CLEC16A: variants seen among roughly 807,000 people sequenced by gnomAD.
CLEC16A encodes the protein C-type lectin domain containing 16A.
A neutral mutation model predicts 109.5 loss-of-function variants in CLEC16A; 51 were observed. The ratio of observed to expected loss-of-function variants is 0.47; its 90% confidence interval spans 0.37 to 0.59. The LOEUF (loss-of-function observed/expected upper bound fraction) is 0.59. Ranked by LOEUF, CLEC16A falls within the 20% of genes least tolerant of loss-of-function variation. The pLI is 0.00. For missense variants in CLEC16A, 1,339 were observed against 1,394.0 expected (o/e 0.96, Z 0.63); for synonymous variants, 673 against 564.2 (o/e 1.19, Z -2.73).
chr16:10,979,479 C>G (rs1055581912), intron 9 of CLEC16A, 97 bp downstream of exon 9: 1 of 1,051,526 alleles, frequency 9.5e-7, no homozygotes, highest in Non-Finnish European at 1.4e-6. Context: ...ACCCCATCTT[C>G]TCTGTCCCCC....
At chr16:11,139,653 C>G (rs1053374554) in intron 22 of CLEC16A, among the ~76,000 whole-genome samples, 3 of 152,320 alleles carry the variant, frequency 2.0e-5, no homozygotes, top group Non-Finnish European at 2.9e-5. Flanking sequence ...GCTGTGAGCT[C>G]AGTCCTTGAA....
chr16:11,042,905 TTA>T (rs930158794), intron 15 of CLEC16A, among the ~76,000 whole-genome samples: 9 of 149,584 alleles, frequency 6.0e-5, no homozygotes, highest in Non-Finnish European at 3.0e-5. Context: ...AAGCAAATAA[TTA>T]TATATATAAA....
intron 22 of CLEC16A, among the ~76,000 whole-genome samples, chr16:11,163,197 C>T (rs935243425): frequency 6.6e-6 from 1 of 152,238 alleles, no homozygotes; most frequent in Non-Finnish European, 1.5e-5. Flanking sequence ...CATAGACATT[C>T]ACCCTGAATT....
intron 13 of CLEC16A, among the ~76,000 whole-genome samples, chr16:11,034,899 G>A (rs1484426486): frequency 6.6e-6 from 1 of 151,868 alleles, no homozygotes; most frequent in African/African-American, 2.4e-5. Context: ...ATGCATGCGT[G>A]TGTGAATGAG....
intron 19 of CLEC16A, among the ~76,000 whole-genome samples, chr16:11,083,171 G>GT (rs869136055): frequency 4.0e-5 from 6 of 151,332 alleles, no homozygotes; most frequent in South Asian, 4.2e-4. Flanking sequence ...TTGTTTGTTT[G>GT]TTGTTGTTTG....
rs550022722 is a variant in CLEC16A, at chr16:11,003,054, C to A, written c.1072-20C>A. 19 of 1,584,026 alleles carry A rather than the reference C, an allele frequency of 1.2e-5. No individual in the cohort carries two copies. The highest frequency in any genetic ancestry group is 1.6e-5 in the Non-Finnish European group (19 of 1,165,040). On this transcript the variant is annotated intron_variant, in intron 10 of 23. Coordinates refer to ENST00000409790, the MANE Select transcript of CLEC16A (RefSeq NM_015226.3). ...TTCTAGTGTTCAAATTCACCTGTTGCCTTCGTTGGACTTTCCTAGGCCAAG... is the reference window on the plus strand; with the variant it reads ...TTCTAGTGTTCAAATTCACCTGTTGACTTCGTTGGACTTTCCTAGGCCAAG...
rs560030205 is a variant in CLEC16A, at chr16:11,028,345, T to G, written c.1537+3424T>G. ...CATGGAGGAAGGAGTCCTGCTTTGT[T>G]GCATCTATCCTAGGGTTTAATGTTG... On this transcript the variant is annotated intron_variant, in intron 13 of 23. Coordinates refer to ENST00000409790, the MANE Select transcript of CLEC16A (RefSeq NM_015226.3). Among the ~76,000 whole-genome samples the G allele has an allele frequency of 2.6e-5, 4 of 152,282 alleles. No individual in the cohort carries two copies. The South Asian group carries it at 8.3e-4, about 32-fold the overall frequency.
At chr16:10,969,371 T>A in intron 4 of CLEC16A, 62 bp downstream of exon 4, 1 of 1,274,568 alleles carries the variant, frequency 7.8e-7, no homozygotes, top group Non-Finnish European at 1.1e-6. Flanking sequence ...TTTTTTTTTT[T>A]TTTACGGCAG....
At chr16:11,147,202 G>C (rs7186336) in intron 22 of CLEC16A, among the ~76,000 whole-genome samples, 25,809 of 152,168 alleles carry the variant, frequency 0.17, 2,264 homozygotes, top group Middle Eastern at 0.23. Flanking sequence ...AGTTTGGCTA[G>C]GCACAGAATT....
chr16:11,139,307 C>T (rs1312936941), intron 22 of CLEC16A, among the ~76,000 whole-genome samples: 1 of 152,178 alleles, frequency 6.6e-6, no homozygotes. Flanking sequence ...CCTCCTGGCA[C>T]CTCTGCTGAG....
chr16:11,041,559 G>A (rs2047337072), intron 14 of CLEC16A: 1 of 152,240 alleles, frequency 6.6e-6, no homozygotes, highest in African/African-American at 2.4e-5. Flanking sequence ...CTCTACGGGA[G>A]ACACTTAGAT....
At chr16:11,060,223 A>T (rs952816485) in intron 18 of CLEC16A, among the ~76,000 whole-genome samples, 2 of 152,184 alleles carry the variant, frequency 1.3e-5, no homozygotes, top group Admixed American at 6.5e-5. Context: ...CCTGAGGGGC[A>T]TTCAGGGAAC....
At chr16:10,971,472 C>T in intron 5 of CLEC16A, 1 of 821,312 alleles carries the variant, frequency 1.2e-6, no homozygotes, top group Non-Finnish European at 1.5e-6. Flanking sequence ...GTAGGATGTC[C>T]TGAGAGGCAC....
In CLEC16A at chr16:11,123,187, C is replaced by T. The variant is rs564467506; in HGVS notation, c.2269-555C>T. Among the ~76,000 whole-genome samples the T allele has an allele frequency of 2.6e-5, 4 of 152,262 alleles. 1 individual carries two copies. In the South Asian group the frequency reaches 8.3e-4, roughly 32 times the overall value. ...AAAGTGCTGGAATTATAGGCGTGAG[C>T]CACCGTGCCCAGCCCCTGTCCCTTT... is the stretch of plus-strand genomic sequence containing the variant. On this transcript the variant is annotated intron_variant, in intron 20 of 23. Coordinates refer to ENST00000409790, the MANE Select transcript of CLEC16A (RefSeq NM_015226.3).
At chr16:11,171,258 TCACC>T (rs2068500359) in intron 23 of CLEC16A, among the ~76,000 whole-genome samples, 1 of 152,130 alleles carries the variant, frequency 6.6e-6, no homozygotes, top group Admixed American at 6.5e-5. Flanking sequence ...GACTCCCTGG[TCACC>T]CAGAGGCTCC....
rs72650689 is a variant in CLEC16A, at chr16:11,178,473, G to T, written c.2945G>T (p.Ser982Ile). The change falls in exon 24 of 24, where the codon AGC becomes ATC. Residue 982 changes from serine to isoleucine, a missense_variant. By Grantham distance (142) the Ser-to-Ile change is moderately radical. Coordinates refer to ENST00000409790, the MANE Select transcript of CLEC16A (RefSeq NM_015226.3). This position sits in a 1 kb window ranked among gnomAD's most constrained non-coding sequence, Gnocchi z 6.5. Reference sequence around the variant, plus strand: ...GTGGAGACAGCCAGCCTGTCCCCCAGCCTCGTCCCTGCCCGGCAGCCCACC... The same window carrying T: ...GTGGAGACAGCCAGCCTGTCCCCCATCCTCGTCCCTGCCCGGCAGCCCACC... ...AAVETASLSP[S>I]LVPARQPTIS... The T allele has an allele frequency of 2.5e-6, 4 of 1,613,578 alleles. No individual in the cohort carries two copies. The highest frequency in any genetic ancestry group is 3.4e-6 in the Non-Finnish European group (4 of 1,179,906).
chr16:11,079,090 A>G (rs1422001019), intron 19 of CLEC16A, among the ~76,000 whole-genome samples: 2 of 152,152 alleles, frequency 1.3e-5, no homozygotes, highest in Non-Finnish European at 2.9e-5. Context: ...ACACAGCTAC[A>G]TGTGTGCTCA....
At chr16:11,022,124 C>G (rs539107168) in intron 12 of CLEC16A, among the ~76,000 whole-genome samples, 1 of 152,072 alleles carries the variant, frequency 6.6e-6, no homozygotes, top group African/African-American at 2.4e-5. Context: ...ATTCAGTTGC[C>G]TTGAGTTAGG....
At chr16:10,995,434 G>A (rs1004682888) in intron 10 of CLEC16A, among the ~76,000 whole-genome samples, 1 of 152,214 alleles carries the variant, frequency 6.6e-6, no homozygotes, top group Non-Finnish European at 1.5e-5. Flanking sequence ...AGCATGTTGG[G>A]GAGGCTGAGT....
Sources: gnomAD v4.1 joint callset for allele counts (sites outside exome capture counted in the v4.1 genomes callset) on GRCh38, gnomAD v4.1.1 for gene constraint, Gnocchi (gnomAD v3.1) non-coding constraint, MANE v1.5 for transcripts, NCBI Gene and HGNC (gene_info 2026-07-23, HGNC 2026-07-21) for gene names.